TSEN34: variants seen among roughly 807,000 people sequenced by gnomAD.
TSEN34 encodes tRNA-splicing endonuclease subunit Sen34.
Under a neutral mutation model 30.2 loss-of-function variants are expected in TSEN34, and 25 were observed. That is an observed-to-expected ratio of 0.83 (90% confidence interval 0.60 to 1.16). The LOEUF is 1.16. Among genes scored for constraint, TSEN34 ranks in the 50% most tolerant of loss-of-function variants. The pLI, the probability that TSEN34 is intolerant of heterozygous loss-of-function variation, is 0.00. For missense variants in TSEN34, 475 were observed against 411.9 expected (o/e 1.15, Z -1.33); for synonymous variants, 209 against 177.4 (o/e 1.18, Z -1.41).
At chr19:54,190,633 G>A, upstream of TSEN34, 1 of 1,246,674 alleles carries the variant, frequency 8.0e-7, no homozygotes, top group Non-Finnish European at 1.0e-6. Context: ...TATTGCGTCC[G>A]GGAGGAGGCG....
rs1433459081 is a variant in TSEN34, at chr19:54,191,813, C to G, written c.336C>G (p.Leu112=). Residue 112 remains leucine (L), a synonymous_variant, in exon 2 of 4, where the codon CTC becomes CTG. Coordinates refer to ENST00000396388, the MANE Select transcript of TSEN34 (RefSeq NM_001077446.4). The part of the protein sequence containing the change: ...AEARETRRQE[L]LEKITEGQAA... ...CCCGGGAGACCCGTCGTCAGGAGCT[C>G]CTGGAGAAGATTACGGAGGGCCAGG... 1.2e-6 allele frequency: 2 copies of G among 1,614,190 alleles called. No homozygotes were observed.
At position 54,194,179 on chromosome 19, in the gene TSEN34, G is replaced by T. The variant is rs1360272700; in HGVS notation, c.*817G>T. On this transcript the variant is annotated 3_prime_UTR_variant, in exon 4 of 4. Coordinates refer to ENST00000396388, the MANE Select transcript of TSEN34 (RefSeq NM_001077446.4). Reference sequence around the variant, plus strand: ...TCTCAAAAAATATATATATGTGTGTGTGTATATATGTAAATATACACACAT... The same window carrying T: ...TCTCAAAAAATATATATATGTGTGTTTGTATATATGTAAATATACACACAT... 6.3e-6 allele frequency: 1 copy of T among 158,762 alleles called. No individual in the cohort carries two copies. The highest frequency in any genetic ancestry group is 1.4e-5 in the Non-Finnish European group (1 of 71,970). 9.8% of individuals were successfully genotyped at this position (158,762 alleles called of 1,614,324 possible).
At chr19:54,193,102 C>T (rs979801598) in intron 3 of TSEN34, 73 bp from the exon 4 acceptor site, 15 of 1,608,384 alleles carry the variant, frequency 9.3e-6, no homozygotes, top group Middle Eastern at 2.2e-4. Flanking sequence ...CAGATCTCCT[C>T]CCAGTGGTCG....
At position 54,193,628 on chromosome 19, in the gene TSEN34, A is replaced by T; in HGVS notation, c.*266A>T. On this transcript the variant is annotated 3_prime_UTR_variant, in exon 4 of 4. Coordinates refer to ENST00000396388, the MANE Select transcript of TSEN34 (RefSeq NM_001077446.4). ...ATTCATCTGTTTTCTACAGGGTTTA[A>T]GTCTCAGGAGGTCTCAATAAACTTG... is the stretch of plus-strand genomic sequence containing the variant. 8.4e-7 allele frequency: 1 copy of T among 1,189,238 alleles called. No homozygotes were observed. 73.7% of individuals were successfully genotyped at this position (1,189,238 alleles called of 1,614,324 possible).
chr19:54,193,551 G>C lies in TSEN34; in HGVS notation c.*189G>C. 6.5e-7 allele frequency: 1 copy of C among 1,535,104 alleles called. No individual in the cohort carries two copies. The highest frequency in any genetic ancestry group is 2.4e-5 in the East Asian group (1 of 40,908). On this transcript the variant is annotated 3_prime_UTR_variant, in exon 4 of 4. Coordinates refer to ENST00000396388, the MANE Select transcript of TSEN34 (RefSeq NM_001077446.4). ...CAAAGCACTTATTGGCTGTGTTTTT[G>C]TAGTTACCTATTTTCACACTGTGAG...
At chr19:54,190,379 G>A (rs1195269462), upstream of TSEN34, 1 of 1,507,750 alleles carries the variant, frequency 6.6e-7, no homozygotes, top group East Asian at 2.6e-5. Context: ...GAGGTGACTC[G>A]CTGGTTCTAT....
chr19:54,194,019 T>G lies in TSEN34; in HGVS notation c.*657T>G, dbSNP rs1371374006. 2 of 260,558 alleles carry G rather than the reference T, an allele frequency of 7.7e-6. No homozygotes were observed. The highest frequency in any genetic ancestry group is 4.5e-5 in the African/African-American group (2 of 44,544). 16.1% of individuals were successfully genotyped at this position (260,558 alleles called of 1,614,324 possible). On this transcript the variant is annotated 3_prime_UTR_variant, in exon 4 of 4. Coordinates refer to ENST00000396388, the MANE Select transcript of TSEN34 (RefSeq NM_001077446.4). Reference sequence around the variant, plus strand: ...GAGTTTGAGACCAGCTCTGGCAACATTGTAATACCCAGTCTCTACAAAAAA... The same window carrying G: ...GAGTTTGAGACCAGCTCTGGCAACAGTGTAATACCCAGTCTCTACAAAAAA...
At chr19:54,190,202 A>G, upstream of TSEN34, 2 of 631,662 alleles carry the variant, frequency 3.2e-6, no homozygotes, top group South Asian at 1.8e-5. Context: ...CCCCCGCGGG[A>G]GGAGGGCGGG....
upstream of TSEN34, chr19:54,189,942 A>C (rs1278569103): frequency 2.0e-5 from 6 of 298,244 alleles, no homozygotes; most frequent in Admixed American, 1.0e-4. Context: ...TGGGGCCACA[A>C]GCTTCGGTTT....
intron 3 of TSEN34, 68 bp downstream of exon 3, chr19:54,192,441 CTT>C (rs11420984): frequency 0.12 from 152,066 of 1,279,914 alleles, 81 homozygotes; most frequent in East Asian, 0.27. Context: ...CTGCGTTTTT[CTT>C]TTTTTTTTTT....
rs593073 is a variant in TSEN34 at position 54,191,312 on chromosome 19, C to T, written c.-53C>T. ...AGGCTTTGGGTGCGCTGCAGCGGTC[C>T]GCGGCGCGCAGCTGTTTCGGTAACT... On this transcript the variant is annotated 5_prime_UTR_variant, in exon 1 of 4. Coordinates refer to ENST00000396388, the MANE Select transcript of TSEN34 (RefSeq NM_001077446.4). The T allele has an allele frequency of 0.19, 294,846 of 1,546,752 alleles. 31,338 individuals carry two copies. The highest frequency in any genetic ancestry group is 0.49 in the East Asian group (19,796 of 40,744).
chr19:54,191,648 G>T lies in TSEN34; in HGVS notation c.243+41G>T. 1.2e-6 allele frequency: 2 copies of T among 1,608,976 alleles called. 1 individual carries two copies. On this transcript the variant is annotated intron_variant, in intron 1 of 3. Coordinates refer to ENST00000396388, the MANE Select transcript of TSEN34 (RefSeq NM_001077446.4). ...TCGAACTCGGGTTCGGTGGGAGCGG[G>T]ACCTGGGAGTCAAGTTTCCTGGCTT...
At chr19:54,192,537 C>T (rs966071223) in intron 3 of TSEN34, among the ~76,000 whole-genome samples, 164 bp downstream of exon 3, 2 of 151,998 alleles carry the variant, frequency 1.3e-5, no homozygotes, top group African/African-American at 4.8e-5. Flanking sequence ...CTCGGCCCCC[C>T]AAAGTGCTGG....
chr19:54,191,768 G>T lies in TSEN34; in HGVS notation c.291G>T (p.Gln97His). The change falls in exon 2 of 4, where the codon CAG becomes CAT. Residue 97 changes from glutamine to histidine, a missense_variant. By Grantham distance (24) the Gln-to-His change is conservative (BLOSUM62 0). Coordinates refer to ENST00000396388, the MANE Select transcript of TSEN34 (RefSeq NM_001077446.4). ...KRQQEESFQE[Q>H]SALAAEARET... is the part of the protein sequence containing the mutation. ...AGCAAGAGGAGAGCTTCCAGGAGCAGAGCGCCTTGGCAGCTGAGGCCCGGG... is the reference window on the plus strand; with the variant it reads ...AGCAAGAGGAGAGCTTCCAGGAGCATAGCGCCTTGGCAGCTGAGGCCCGGG... The T allele has an allele frequency of 6.2e-7, 1 of 1,614,196 alleles. No individual in the cohort carries two copies. The highest frequency in any genetic ancestry group is 1.1e-5 in the South Asian group (1 of 91,090).
In TSEN34 at chr19:54,192,001, G is replaced by A. The variant is rs568744676; in HGVS notation, c.487+37G>A. ...AGGTGGAGTCCAGGGACCACGGGAA[G>A]GAGAGGAGAGATCTTTTAGGAATTT... On this transcript the variant is annotated intron_variant, in intron 2 of 3. Transcript: ENST00000396388. The A allele has an allele frequency of 2.5e-6, 4 of 1,614,110 alleles. No individual in the cohort carries two copies. The East Asian group carries it at 6.7e-5, about 27-fold the overall frequency.
In TSEN34 at chr19:54,191,364, G is replaced by A; in HGVS notation, c.-1G>A. 6.5e-7 allele frequency: 1 copy of A among 1,550,106 alleles called. No individual in the cohort carries two copies. The highest frequency in any genetic ancestry group is 8.7e-7 in the Non-Finnish European group (1 of 1,147,206). ...CTTTGCCTCCCGGCTCCCGCAGGAG[G>A]ATGCTGGTGGTGGAGGTGGCGAACG... On this transcript the variant is annotated 5_prime_UTR_variant, in exon 1 of 4. Transcript: ENST00000396388.
At chr19:54,189,446 C>T (rs578196049), upstream of TSEN34, 2 of 152,928 alleles carry the variant, frequency 1.3e-5, no homozygotes, top group South Asian at 2.0e-4. Context: ...CCTGCTCCTT[C>T]TGGGCGCCCG....
At chr19:54,190,299 G>T, upstream of TSEN34, 1 of 1,410,890 alleles carries the variant, frequency 7.1e-7, no homozygotes, top group South Asian at 1.2e-5. Flanking sequence ...CGGCATGAGG[G>T]GGTGGAGCAA....
At position 54,193,071 on chromosome 19, in the gene TSEN34, T is replaced by A; in HGVS notation, c.746-104T>A. On this transcript the variant is annotated intron_variant, in intron 3 of 3. Coordinates refer to ENST00000396388, the MANE Select transcript of TSEN34 (RefSeq NM_001077446.4). ...AAGAGCATCTGTTTTAGAGTATCTA[T>A]AGTGATGGCTGAAATGATCTCAGAT... The A allele has an allele frequency of 3.2e-6, 5 of 1,584,060 alleles. No homozygotes were observed. The South Asian group carries it at 5.5e-5, about 18-fold the overall frequency.
Sources: allele counts gnomAD v4.1 joint callset (sites outside exome capture counted in the v4.1 genomes callset), GRCh38; gene constraint gnomAD v4.1.1; transcripts MANE v1.5; gene names NCBI Gene and HGNC (gene_info 2026-07-23, HGNC 2026-07-21).